SPIDR: variants seen among roughly 807,000 people sequenced by gnomAD.
SPIDR encodes the protein DNA repair-scaffolding protein.
Under a neutral mutation model 104.6 loss-of-function variants are expected in SPIDR, and 93 were observed. The observed-to-expected ratio is 0.89, with a 90% CI of 0.75 to 1.06. The LOEUF (loss-of-function observed/expected upper bound fraction) is 1.06. Among genes scored for constraint, SPIDR ranks in the 50% least tolerant of loss-of-function variants. SPIDR has a pLI of 0.00. For synonymous variants in SPIDR, 431 were observed against 416.9 expected (o/e 1.03, Z -0.41); for missense variants, 1,154 against 1,111.2 (o/e 1.04, Z -0.55).
At chr8:47,463,017 A>G (rs2074196464) in intron 8 of SPIDR, among the ~76,000 whole-genome samples, 1 of 152,178 alleles carries the variant, frequency 6.6e-6, no homozygotes, top group South Asian at 2.1e-4. Flanking sequence ...GAAGAAATAA[A>G]AAATCTGAAT....
chr8:47,376,615 A>G (rs1470666980), intron 5 of SPIDR, among the ~76,000 whole-genome samples: 2 of 152,206 alleles, frequency 1.3e-5, no homozygotes, highest in African/African-American at 2.4e-5. Context: ...CCATACATCA[A>G]TGTCTCTTCA....
chr8:47,472,688 G>A (rs1386459887), intron 8 of SPIDR, among the ~76,000 whole-genome samples: 1 of 152,144 alleles, frequency 6.6e-6, no homozygotes, highest in Non-Finnish European at 1.5e-5. Context: ...AGACATCACT[G>A]ACCTCAAAAT....
chr8:47,674,793 T>C (rs940432427), intron 11 of SPIDR, among the ~76,000 whole-genome samples: 1 of 152,186 alleles, frequency 6.6e-6, no homozygotes, highest in Admixed American at 6.5e-5. Flanking sequence ...GAATGTTTAG[T>C]GAGCATTTCC....
intron 8 of SPIDR, among the ~76,000 whole-genome samples, chr8:47,585,983 G>C (rs1463896421): frequency 2.6e-5 from 4 of 152,224 alleles, no homozygotes; most frequent in Admixed American, 2.0e-4. Flanking sequence ...ACCAAAATAT[G>C]CTCTCCACTT....
At chr8:47,611,124 C>T (rs967632061) in intron 10 of SPIDR, among the ~76,000 whole-genome samples, 2 of 152,158 alleles carry the variant, frequency 1.3e-5, no homozygotes, top group Admixed American at 6.5e-5. Context: ...CTCCCCTTCT[C>T]TTCTCAGGAT....
chr8:47,424,614 G>A (rs6992107), intron 7 of SPIDR, among the ~76,000 whole-genome samples: 7,759 of 152,154 alleles, frequency 0.051, 673 homozygotes, highest in African/African-American at 0.18. Flanking sequence ...CACCATACCC[G>A]GACCCTTAGA....
chr8:47,696,575 C>G (rs950486102), intron 11 of SPIDR, among the ~76,000 whole-genome samples: 2 of 152,170 alleles, frequency 1.3e-5, no homozygotes, highest in African/African-American at 4.8e-5. Flanking sequence ...CACTTTGTAA[C>G]ACAAAAAGTC....
chr8:47,587,609 CA>C (rs36084278), intron 8 of SPIDR, among the ~76,000 whole-genome samples: 9,170 of 58,860 alleles, frequency 0.16, 684 homozygotes, highest in African/African-American at 0.32. Context: ...GACCCTGCCT[CA>C]AAAAAAAAAA....
Position 47,435,234 on chromosome 8 carries a change from G to A in SPIDR, c.878-5089G>A, listed in dbSNP as rs117825023. On this transcript the variant is annotated intron_variant, in intron 7 of 19. Coordinates refer to ENST00000297423, the MANE Select transcript of SPIDR (RefSeq NM_001080394.4). Reference sequence around the variant, plus strand: ...AGGCTGGTCTTGAACTCCTGGCCTCGAGCTCCTGGCCTCAAGCTGTCCTCC... The same window carrying A: ...AGGCTGGTCTTGAACTCCTGGCCTCAAGCTCCTGGCCTCAAGCTGTCCTCC... Among the ~76,000 whole-genome samples, 92 of 151,944 alleles carry A rather than the reference G, an allele frequency of 6.1e-4. No homozygotes were observed. In the East Asian group the frequency reaches 0.015, roughly 24 times the overall value.
intron 5 of SPIDR, among the ~76,000 whole-genome samples, chr8:47,301,080 C>G (rs904967400): frequency 1.6e-4 from 25 of 152,120 alleles, no homozygotes; most frequent in Non-Finnish European, 3.2e-4. Flanking sequence ...GTGTGGGAGT[C>G]TAAGTATCTT....
At chr8:47,676,760 G>C (rs1395345226) in intron 11 of SPIDR, among the ~76,000 whole-genome samples, 2 of 152,174 alleles carry the variant, frequency 1.3e-5, no homozygotes, top group Admixed American at 1.3e-4. Flanking sequence ...CTGATCCACA[G>C]TTCTGGTGAT....
At chr8:47,560,757 G>A (rs564576429) in intron 8 of SPIDR, among the ~76,000 whole-genome samples, 1 of 152,014 alleles carries the variant, frequency 6.6e-6, no homozygotes, top group Non-Finnish European at 1.5e-5. Flanking sequence ...CCTTTATATG[G>A]ATCGTAGGGT....
intron 5 of SPIDR, among the ~76,000 whole-genome samples, chr8:47,305,752 T>C (rs2042991760): frequency 1.3e-5 from 2 of 152,236 alleles, no homozygotes; most frequent in Admixed American, 6.5e-5. Flanking sequence ...TGTGTACTAA[T>C]TGTTAATGCC....
chr8:47,369,000 A>G (rs1200602977), intron 5 of SPIDR, among the ~76,000 whole-genome samples: 2 of 152,212 alleles, frequency 1.3e-5, no homozygotes, highest in South Asian at 2.1e-4. Context: ...TGTGTCCAGT[A>G]TGTGTTTCAT....
At chr8:47,558,983 A>G (rs1055144326) in intron 8 of SPIDR, among the ~76,000 whole-genome samples, 3 of 152,202 alleles carry the variant, frequency 2.0e-5, no homozygotes, top group African/African-American at 4.8e-5. Flanking sequence ...CAAATTAACC[A>G]TGTAACAAGC....
At chr8:47,570,286 A>G (rs751424633) in intron 8 of SPIDR, among the ~76,000 whole-genome samples, 3 of 152,248 alleles carry the variant, frequency 2.0e-5, no homozygotes, top group Non-Finnish European at 2.9e-5. Context: ...TTGATTTTCA[A>G]CAAAGGTACC....
At chr8:47,561,249 T>C (rs1328694135) in intron 8 of SPIDR, among the ~76,000 whole-genome samples, 1 of 152,230 alleles carries the variant, frequency 6.6e-6, no homozygotes, top group Non-Finnish European at 1.5e-5. Flanking sequence ...TGTGGCAGCA[T>C]AGCAGGTAGA....
intron 10 of SPIDR, among the ~76,000 whole-genome samples, chr8:47,673,063 C>T (rs1198866984): frequency 6.6e-6 from 1 of 152,178 alleles, no homozygotes; most frequent in Admixed American, 6.5e-5. Flanking sequence ...TATTTACTGA[C>T]TATAATTTCT....
intron 8 of SPIDR, among the ~76,000 whole-genome samples, chr8:47,525,674 G>A (rs1485633291): frequency 6.6e-6 from 1 of 151,330 alleles, no homozygotes; most frequent in Admixed American, 6.6e-5. Context: ...GGTGGCATAC[G>A]CCTTTAGTCT....
Sources: gnomAD v4.1 joint callset for allele counts (sites outside exome capture counted in the v4.1 genomes callset) on GRCh38, gnomAD v4.1.1 for gene constraint, MANE v1.5 for transcripts, NCBI Gene and HGNC (gene_info 2026-07-23, HGNC 2026-07-21) for gene names.